SPIDR: variants seen among roughly 807,000 people sequenced by gnomAD.
SPIDR encodes DNA repair-scaffolding protein.
In SPIDR, 93 loss-of-function variants were observed where a neutral mutation model predicts 104.6. That is an observed-to-expected ratio of 0.89 (90% CI 0.75 to 1.06). The LOEUF is 1.06. SPIDR is among the 50% of genes least tolerant of loss of function. The pLI is 0.00. For missense variants in SPIDR, 1,154 were observed against 1,111.2 expected, an observed-to-expected ratio of 1.04 and a Z score of -0.55; for synonymous variants, 431 against 416.9, an observed-to-expected ratio of 1.03 and a Z score of -0.41.
intron 7 of SPIDR, among the ~76,000 whole-genome samples, chr8:47,432,472 T>A (rs1240014075): frequency 6.6e-6 from 1 of 152,172 alleles, no homozygotes; most frequent in Non-Finnish European, 1.5e-5. Flanking sequence ...TTACATCAGT[T>A]TGTATTAGGA....
At chr8:47,286,225 G>A (rs1554563123) in intron 3 of SPIDR, among the ~76,000 whole-genome samples, 13 of 152,080 alleles carry the variant, frequency 8.5e-5, no homozygotes, top group Admixed American at 1.3e-4. Flanking sequence ...TGAGAGCTAC[G>A]CATAATGGTT....
At chr8:47,350,340 G>C (rs1205513491) in intron 5 of SPIDR, among the ~76,000 whole-genome samples, 1 of 152,156 alleles carries the variant, frequency 6.6e-6, no homozygotes, top group East Asian at 1.9e-4. Context: ...AAAAGATAGA[G>C]TCTCGCTCTG....
intron 5 of SPIDR, among the ~76,000 whole-genome samples, chr8:47,320,292 A>G (rs1176635253): frequency 2.0e-5 from 3 of 152,200 alleles, no homozygotes; most frequent in East Asian, 3.8e-4. Flanking sequence ...CAGAAATACA[A>G]ACTACCATCA....
At chr8:47,567,003 G>A (rs1320299305) in intron 8 of SPIDR, among the ~76,000 whole-genome samples, 1 of 152,110 alleles carries the variant, frequency 6.6e-6, no homozygotes, top group East Asian at 1.9e-4. Flanking sequence ...TAAGTCATCA[G>A]GTTAAGGAAT....
chr8:47,300,329 G>A lies in SPIDR; in HGVS notation c.525+6299G>A, dbSNP rs2041820734. The stretch of plus-strand genomic sequence containing the variant: ...TTATCATTTTTTATTCCGTCTATCT[G>A]ATTCTTCTCTCTTTTCTTCTTTATT... On this transcript the variant is annotated intron_variant, in intron 5 of 19. Transcript: ENST00000297423. Among the ~76,000 whole-genome samples the A allele has an allele frequency of 2.0e-5, 3 of 152,214 alleles. No individual in the cohort carries two copies. The East Asian group carries it at 5.8e-4, about 29-fold the overall frequency.
intron 8 of SPIDR, among the ~76,000 whole-genome samples, chr8:47,574,662 T>C (rs887792005): frequency 1.5e-4 from 22 of 151,598 alleles, no homozygotes; most frequent in Non-Finnish European, 2.6e-4. Context: ...GGCAGGCACC[T>C]GTAATCCCAG....
At chr8:47,367,837 G>A (rs1244968302) in intron 5 of SPIDR, among the ~76,000 whole-genome samples, 3 of 152,202 alleles carry the variant, frequency 2.0e-5, no homozygotes, top group Non-Finnish European at 4.4e-5. Flanking sequence ...ATTGTGAAAT[G>A]CTAGTTGGAG....
intron 8 of SPIDR, among the ~76,000 whole-genome samples, chr8:47,506,730 G>A (rs2081542305): frequency 1.3e-5 from 2 of 152,160 alleles, no homozygotes; most frequent in Admixed American, 6.5e-5. Flanking sequence ...GACATATGCA[G>A]TGTTACTGGC....
At chr8:47,402,656 G>A (rs2062070445) in intron 6 of SPIDR, among the ~76,000 whole-genome samples, 2 of 152,050 alleles carry the variant, frequency 1.3e-5, no homozygotes, top group Non-Finnish European at 2.9e-5. Context: ...AAACCAGGAA[G>A]AAGCTGAATC....
chr8:47,681,053 A>C (rs2077036678), intron 11 of SPIDR, among the ~76,000 whole-genome samples: 1 of 152,188 alleles, frequency 6.6e-6, no homozygotes, highest in Admixed American at 6.5e-5. Context: ...AAAGAGCAAG[A>C]CTCCATCTCA....
chr8:47,463,278 A>G (rs2074239203), intron 8 of SPIDR, among the ~76,000 whole-genome samples: 1 of 151,584 alleles, frequency 6.6e-6, no homozygotes. Context: ...GGAGAATGCC[A>G]TGAACCTGGG....
chr8:47,420,439 C>T (rs1451276444), intron 7 of SPIDR, among the ~76,000 whole-genome samples: 1 of 151,980 alleles, frequency 6.6e-6, no homozygotes, highest in East Asian at 1.9e-4. Context: ...GATTGCAACC[C>T]CTGCCTTTTT....
intron 1 of SPIDR, among the ~76,000 whole-genome samples, chr8:47,276,092 C>G (rs1381815627): frequency 6.6e-6 from 1 of 152,180 alleles, no homozygotes; most frequent in Non-Finnish European, 1.5e-5. Context: ...AACTCCGGGG[C>G]TCAAGTGATC....
intron 8 of SPIDR, among the ~76,000 whole-genome samples, chr8:47,579,598 G>T (rs2059498960): frequency 6.6e-6 from 1 of 152,168 alleles, no homozygotes; most frequent in Non-Finnish European, 1.5e-5. Context: ...TGGCTTTCAA[G>T]GTTCTGTCAC....
intron 5 of SPIDR, among the ~76,000 whole-genome samples, chr8:47,315,064 T>C (rs2045050538): frequency 6.6e-6 from 1 of 152,152 alleles, no homozygotes; most frequent in Admixed American, 6.6e-5. Context: ...TAAAACTCAT[T>C]AGAAATACAT....
chr8:47,577,951 A>G (rs1363011653), intron 8 of SPIDR, among the ~76,000 whole-genome samples: 1 of 152,216 alleles, frequency 6.6e-6, no homozygotes, highest in Non-Finnish European at 1.5e-5. Flanking sequence ...TAAGGCTGTA[A>G]GATAAAGATT....
intron 7 of SPIDR, among the ~76,000 whole-genome samples, chr8:47,436,199 G>T (rs782614504): frequency 7.9e-5 from 12 of 152,258 alleles, no homozygotes; most frequent in Non-Finnish European, 1.5e-4. Flanking sequence ...TAAAACGGAG[G>T]ACACTCTTAC....
intron 8 of SPIDR, among the ~76,000 whole-genome samples, chr8:47,497,001 A>G (rs1357314227): frequency 1.3e-5 from 2 of 151,630 alleles, no homozygotes; most frequent in Admixed American, 6.6e-5. Context: ...TGCTCAGTTT[A>G]TTTCCTTTTA....
chr8:47,527,769 A>G (rs376479406), intron 8 of SPIDR: 56 of 152,220 alleles, frequency 3.7e-4, no homozygotes, highest in African/African-American at 1.2e-3. Context: ...CTACTGTTTT[A>G]TTTTATTTTT....
Sources: allele counts gnomAD v4.1 joint callset (sites outside exome capture counted in the v4.1 genomes callset), GRCh38; gene constraint gnomAD v4.1.1; transcripts MANE v1.5; gene names NCBI Gene and HGNC (gene_info 2026-07-23, HGNC 2026-07-21).